SRPK2: variants seen among roughly 807,000 people sequenced by gnomAD.
The protein encoded by SRPK2 is SFRS protein kinase 2.
In SRPK2, 21 loss-of-function variants were observed where a neutral mutation model predicts 90.8. The ratio of observed to expected loss-of-function variants is 0.23; its 90% CI spans 0.16 to 0.33. The LOEUF is 0.33. Ranked by LOEUF, SRPK2 falls within the 10% of genes least tolerant of loss-of-function variation. The probability of loss-of-function intolerance (pLI) is 1.00; values close to 1 mark genes in which losing one functional copy is unlikely to be tolerated. For synonymous variants in SRPK2, 288 were observed against 311.1 expected (o/e 0.93, Z 0.78); for missense variants, 620 against 869.0 (o/e 0.71, Z 3.60).
chr7:105,324,661 T>G (rs1585711280), intron 2 of SRPK2, among the ~76,000 whole-genome samples: 1 of 152,000 alleles, frequency 6.6e-6, no homozygotes, highest in Non-Finnish European at 1.5e-5. Flanking sequence ...CCGAGGCGGG[T>G]GGATCACTTG....
At chr7:105,168,923 C>T (rs567343232) in intron 4 of SRPK2, among the ~76,000 whole-genome samples, 2 of 152,096 alleles carry the variant, frequency 1.3e-5, no homozygotes, top group South Asian at 4.2e-4. Flanking sequence ...CAGTGTAAAA[C>T]AATTTCAATG....
intron 15 of SRPK2, among the ~76,000 whole-genome samples, chr7:105,122,171 A>G (rs1449191294): frequency 1.3e-5 from 2 of 152,238 alleles, no homozygotes; most frequent in Non-Finnish European, 2.9e-5. Flanking sequence ...AAAATAGGTC[A>G]TATGCCTCAG....
chr7:105,210,946 A>G (rs1366731383), intron 2 of SRPK2, among the ~76,000 whole-genome samples: 3 of 152,192 alleles, frequency 2.0e-5, no homozygotes, highest in African/African-American at 7.2e-5. Context: ...CAGTTCTACG[A>G]ACTCAAGGAA....
At chr7:105,301,625 T>C in intron 2 of SRPK2, 4 of 1,609,742 alleles carry the variant, frequency 2.5e-6, no homozygotes, top group Non-Finnish European at 3.4e-6. Context: ...CAATATAGGA[T>C]AGGTGAAAAT....
chr7:105,127,488 C>T (rs534021106), intron 13 of SRPK2, among the ~76,000 whole-genome samples: 7 of 152,206 alleles, frequency 4.6e-5, no homozygotes, highest in Admixed American at 6.5e-5. Context: ...GTCTTTTAGG[C>T]GAAGACCTTC....
intron 3 of SRPK2, among the ~76,000 whole-genome samples, chr7:105,177,180 G>A (rs1792081313): frequency 6.6e-6 from 1 of 151,996 alleles, no homozygotes; most frequent in Admixed American, 6.6e-5. Flanking sequence ...ATAAAAACAT[G>A]ATATGCAGAG....
chr7:105,329,593 CAA>C (rs747890497), intron 2 of SRPK2, among the ~76,000 whole-genome samples: 8 of 81,824 alleles, frequency 9.8e-5, no homozygotes, highest in East Asian at 3.1e-4. Flanking sequence ...GACTCCGTCT[CAA>C]AAAAAAAAAA....
At chr7:105,241,337 G>A (rs1445256871) in intron 2 of SRPK2, among the ~76,000 whole-genome samples, 5 of 151,948 alleles carry the variant, frequency 3.3e-5, no homozygotes, top group South Asian at 2.1e-4. Flanking sequence ...CTGGACTCCG[G>A]AGAAGGACTC....
intron 2 of SRPK2, among the ~76,000 whole-genome samples, chr7:105,331,324 A>AAAAAAAAC (rs1814336844): frequency 7.6e-6 from 1 of 131,554 alleles, no homozygotes; most frequent in African/African-American, 2.7e-5. Context: ...AAAAAAAAAA[A>AAAAAAAAC]AAAAAAAAAA....
chr7:105,330,852 GC>G (rs370204171), intron 2 of SRPK2, among the ~76,000 whole-genome samples: 52 of 152,238 alleles, frequency 3.4e-4, no homozygotes, highest in African/African-American at 1.0e-3. Context: ...AAATTAGCCA[GC>G]ATGGCTGTGT....
intron 2 of SRPK2, among the ~76,000 whole-genome samples, chr7:105,247,523 C>T (rs1801842683): frequency 2.0e-5 from 2 of 102,202 alleles, no homozygotes; most frequent in Admixed American, 2.2e-4. Context: ...AAAACACACA[C>T]ACACATAAAC....
intron 2 of SRPK2, among the ~76,000 whole-genome samples, chr7:105,342,948 A>C (rs181548323): frequency 1.3e-5 from 2 of 152,338 alleles, no homozygotes; most frequent in East Asian, 3.9e-4. Context: ...AATGACATAA[A>C]AAATGTGCTA....
At chr7:105,193,639 G>A (rs1029017305) in intron 3 of SRPK2, among the ~76,000 whole-genome samples, 3 of 152,054 alleles carry the variant, frequency 2.0e-5, no homozygotes, top group African/African-American at 4.8e-5. Flanking sequence ...GGTCATTTTC[G>A]CAATACTGAT....
chr7:105,118,418 C>T (rs140045301), intron 15 of SRPK2, among the ~76,000 whole-genome samples: 3 of 152,224 alleles, frequency 2.0e-5, no homozygotes, highest in East Asian at 1.9e-4. Flanking sequence ...TTCATGTCTA[C>T]GCATTTGTTG....
At chr7:105,182,384 G>A (rs186142427) in intron 3 of SRPK2, among the ~76,000 whole-genome samples, 1 of 151,752 alleles carries the variant, frequency 6.6e-6, no homozygotes, top group Admixed American at 6.6e-5. Context: ...AACAAGAATG[G>A]TACATTGAAT....
At chr7:105,158,305 A>T (rs1806839672) in intron 7 of SRPK2, among the ~76,000 whole-genome samples, 1 of 149,136 alleles carries the variant, frequency 6.7e-6, no homozygotes, top group Admixed American at 6.8e-5. Flanking sequence ...CCCAGGCTGG[A>T]GTGCAGTGGC....
At chr7:105,370,051 A>AC (rs1563298619) in intron 2 of SRPK2, among the ~76,000 whole-genome samples, 24 of 151,680 alleles carry the variant, frequency 1.6e-4, no homozygotes, top group Admixed American at 7.2e-4. Flanking sequence ...AACAACAACA[A>AC]AAGTGACCAA....
rs777443317 is a variant in SRPK2, at chr7:105,169,273, A to T, written c.230-8T>A. Reference sequence around the variant, plus strand: ...TCACTGGATGATATCCACCTTAAAAAACAAGAAAGAAAGAAAAAAATTCAA... The same window carrying T: ...TCACTGGATGATATCCACCTTAAAATACAAGAAAGAAAGAAAAAAATTCAA... On this transcript the variant is annotated splice_region_variant and splice_polypyrimidine_tract_variant and intron_variant, in intron 3 of 15. Transcript: ENST00000393651. The T allele has an allele frequency of 1.9e-5, 31 of 1,600,960 alleles. No individual in the cohort carries two copies. Among genetic ancestry groups the T allele is most frequent in the Non-Finnish European group, 2.6e-5 (30 of 1,172,928 alleles).
chr7:105,182,085 G>A (rs1009121685), intron 3 of SRPK2, among the ~76,000 whole-genome samples: 2 of 151,424 alleles, frequency 1.3e-5, no homozygotes, highest in African/African-American at 4.9e-5. Context: ...AAAAAAATTA[G>A]CCAAGCGTGG....
Sources: allele counts gnomAD v4.1 joint callset (sites outside exome capture counted in the v4.1 genomes callset), GRCh38; gene constraint gnomAD v4.1.1; transcripts MANE v1.5; gene names NCBI Gene and HGNC (gene_info 2026-07-23, HGNC 2026-07-21).